Variants in MSTO1 observed in about 807,000 individuals in gnomAD.
MSTO1 encodes the protein misato mitochondrial distribution and morphology regulator 1.
MSTO1 carries 24 observed loss-of-function variants against 55.7 expected under a neutral mutation model. That is an observed-to-expected ratio of 0.43 (90% CI 0.31 to 0.61). The LOEUF (loss-of-function observed/expected upper bound fraction) is 0.61. Ranked by LOEUF, MSTO1 falls within the 20% of genes least tolerant of loss-of-function variation. MSTO1 has a pLI of 0.09. For missense variants in MSTO1, 363 were observed against 625.7 expected (o/e 0.58, Z 4.48); for synonymous variants, 162 against 252.8 (o/e 0.64, Z 3.41).
chr1:155,601,299 A>AT, the MSTO1 span, among the ~76,000 whole-genome samples: 87 of 143,700 alleles, frequency 6.1e-4, 1 homozygote, highest in Middle Eastern at 4.3e-3. Flanking sequence ...ACGCCCGGCT[A>AT]TTTTTTTTTG....
the MSTO1 span, among the ~76,000 whole-genome samples, chr1:155,571,227 T>A: frequency 1.3e-5 from 2 of 152,272 alleles, no homozygotes; most frequent in East Asian, 3.9e-4. Context: ...CTGTGGCCCA[T>A]GGGCTGCATA....
the MSTO1 span, among the ~76,000 whole-genome samples, chr1:155,605,200 G>T: frequency 6.6e-6 from 1 of 152,174 alleles, no homozygotes; most frequent in African/African-American, 2.4e-5. Context: ...TGTGGAGGTT[G>T]CAGTGAGCTG....
the MSTO1 span, chr1:155,598,927 C>G: frequency 4.4e-6 from 6 of 1,370,430 alleles, no homozygotes; most frequent in East Asian, 1.4e-4. Context: ...TAAGAACTTC[C>G]TGTCTTGTCT....
chr1:155,580,151 C>T, the MSTO1 span, among the ~76,000 whole-genome samples: 3 of 150,410 alleles, frequency 2.0e-5, no homozygotes, highest in African/African-American at 7.3e-5. Flanking sequence ...CCCAACTACT[C>T]GTGAGGCTGA....
intron 4 of MSTO1, 38 bp from the exon 5 acceptor site, chr1:155,611,511 G>A: frequency 6.2e-7 from 1 of 1,613,636 alleles, no homozygotes; most frequent in East Asian, 2.2e-5. Flanking sequence ...CCTCTAAACT[G>A]CCTGGAACTA....
the MSTO1 span, among the ~76,000 whole-genome samples, chr1:155,565,866 G>A: frequency 6.6e-6 from 1 of 152,288 alleles, no homozygotes; most frequent in East Asian, 1.9e-4. Flanking sequence ...TTGAACCAAT[G>A]AAGATAGAAT....
At chr1:155,566,600 CAAAAT>C in the MSTO1 span, among the ~76,000 whole-genome samples, 1 of 151,702 alleles carries the variant, frequency 6.6e-6, no homozygotes, top group African/African-American at 2.4e-5. Context: ...AAATGTAAAA[CAAAAT>C]AAAGTTAATT....
chr1:155,582,178 A>G, the MSTO1 span, among the ~76,000 whole-genome samples: 1 of 152,148 alleles, frequency 6.6e-6, no homozygotes, highest in Non-Finnish European at 1.5e-5. Context: ...GGCGTGAGCC[A>G]CCACGCCCGG....
rs767313156 is a variant in MSTO1 at position 155,613,179 on chromosome 1, G to A, written c.1229G>A (p.Arg410His). The stretch of plus-strand genomic sequence containing the variant: ...GCATGTGGGGAGCCTTCTGGAACAC[G>A]TTGCTTTGCCCAGTCAGTGGTGCTG... ...LSACGEPSGT[R>H]CFAQSVVLRG... Residue 410 changes from arginine (R) to histidine (H), a missense_variant, in exon 11 of 14, where the codon CGT becomes CAT. Physicochemically the swap from Arg to His is conservative, Grantham distance 29. Transcript: ENST00000245564. 6.7e-5 allele frequency: 108 copies of A among 1,613,988 alleles called. No homozygotes were observed. In the Admixed American group the frequency reaches 1.7e-3, roughly 26 times the overall value.
chr1:155,606,250 G>C (rs895632086), upstream of MSTO1, among the ~76,000 whole-genome samples: 3 of 135,370 alleles, frequency 2.2e-5, no homozygotes, highest in African/African-American at 8.4e-5. Flanking sequence ...GTAAAGACGG[G>C]GTCTCGCCAT....
chr1:155,606,354 C>A (rs1004970989), upstream of MSTO1, among the ~76,000 whole-genome samples: 2 of 150,684 alleles, frequency 1.3e-5, no homozygotes, highest in Non-Finnish European at 3.0e-5. Context: ...ACCACTGTGC[C>A]TGGCCAAGAT....
the MSTO1 span, chr1:155,599,047 T>G: frequency 5.8e-6 from 3 of 514,034 alleles, no homozygotes; most frequent in Non-Finnish European, 1.0e-5. Flanking sequence ...CGATGGCTCA[T>G]GCCTGTAATC....
chr1:155,586,109 A>G, the MSTO1 span, among the ~76,000 whole-genome samples: 1 of 151,386 alleles, frequency 6.6e-6, no homozygotes, highest in Non-Finnish European at 1.5e-5. Flanking sequence ...TTTTTTTTAC[A>G]GTCTTTTTAT....
At chr1:155,583,755 G>C in the MSTO1 span, among the ~76,000 whole-genome samples, 2 of 152,186 alleles carry the variant, frequency 1.3e-5, no homozygotes, top group East Asian at 3.9e-4. Context: ...CACGCCTATG[G>C]AAAGAAGGGC....
At chr1:155,577,066 T>G in the MSTO1 span, among the ~76,000 whole-genome samples, 914 of 135,310 alleles carry the variant, frequency 6.8e-3, 4 homozygotes, top group Non-Finnish European at 0.01. Context: ...CCCCTGCAAG[T>G]TTTTTTTTTT....
the MSTO1 span, among the ~76,000 whole-genome samples, chr1:155,588,896 C>G: frequency 1.3e-5 from 2 of 152,126 alleles, no homozygotes; most frequent in Admixed American, 6.6e-5. Flanking sequence ...TTCCCTCAGG[C>G]CTATATATTA....
chr1:155,563,601 ACTT>A, the MSTO1 span: 73 of 456,440 alleles, frequency 1.6e-4, no homozygotes, highest in African/African-American at 2.4e-4. Context: ...CATGGATGGT[ACTT>A]CTTCAGCCTC....
At chr1:155,592,011 AGTTT>A in the MSTO1 span, among the ~76,000 whole-genome samples, 2 of 152,034 alleles carry the variant, frequency 1.3e-5, no homozygotes, top group South Asian at 2.1e-4. Flanking sequence ...GCCCTTGAAT[AGTTT>A]GTTTTCCACT....
the MSTO1 span, among the ~76,000 whole-genome samples, chr1:155,578,341 T>C: frequency 1.1e-5 from 1 of 90,212 alleles, no homozygotes; most frequent in African/African-American, 4.1e-5. Flanking sequence ...CCTTTCTTTT[T>C]TTTTTTTTTT....
Sources: gnomAD v4.1 joint callset for allele counts (sites outside exome capture counted in the v4.1 genomes callset) on GRCh38, gnomAD v4.1.1 for gene constraint, MANE v1.5 for transcripts, NCBI Gene and HGNC (gene_info 2026-07-23, HGNC 2026-07-21) for gene names.